OCA2: variants seen among roughly 807,000 people sequenced by gnomAD.
OCA2 encodes the protein OCA2 melanosomal transmembrane protein.
In OCA2, 77 loss-of-function variants were observed where a neutral mutation model predicts 100.2. The ratio of observed to expected loss-of-function variants is 0.77; its 90% CI spans 0.64 to 0.93. OCA2 has a LOEUF of 0.93. Ranked by LOEUF, OCA2 falls within the 40% of genes least tolerant of loss-of-function variation. The pLI is 0.00. For synonymous variants in OCA2, 432 were observed against 439.2 expected, an observed-to-expected ratio of 0.98 and a Z score of 0.21; for missense variants, 1,062 against 1,089.1, an observed-to-expected ratio of 0.98 and a Z score of 0.35.
chr15:27,943,416 C>T (rs890996911), intron 18 of OCA2, among the ~76,000 whole-genome samples: 21 of 152,158 alleles, frequency 1.4e-4, no homozygotes, highest in South Asian at 4.1e-4. Context: ...CCCCAAAATA[C>T]GCTTCTTTGA....
chr15:27,802,987 G>C (rs1292892858), intron 23 of OCA2, among the ~76,000 whole-genome samples: 1 of 152,124 alleles, frequency 6.6e-6, no homozygotes, highest in Non-Finnish European at 1.5e-5. Flanking sequence ...CCACAGACTG[G>C]GAGAATATAT....
At chr15:27,955,240 T>C (rs768815986) in intron 16 of OCA2, 25 bp from the exon 17 acceptor site, 1 of 1,559,756 alleles carries the variant, frequency 6.4e-7, no homozygotes, top group Middle Eastern at 1.7e-4. Context: ...AAGAGACTCA[T>C]TACTTCCCTG....
intron 2 of OCA2, among the ~76,000 whole-genome samples, chr15:28,053,399 T>G (rs1275766537): frequency 6.6e-6 from 1 of 151,924 alleles, no homozygotes; most frequent in Non-Finnish European, 1.5e-5. Context: ...AAGGTGGAGG[T>G]GCTCTTCCTT....
intron 21 of OCA2, among the ~76,000 whole-genome samples, chr15:27,863,526 C>A (rs1470182703): frequency 6.6e-6 from 1 of 152,154 alleles, no homozygotes; most frequent in African/African-American, 2.4e-5. Flanking sequence ...GCATCTGAGA[C>A]CCTGACCTGT....
chr15:27,825,068 C>T (rs1386590031), intron 23 of OCA2, among the ~76,000 whole-genome samples: 1 of 152,212 alleles, frequency 6.6e-6, no homozygotes, highest in Non-Finnish European at 1.5e-5. Flanking sequence ...GTTACATTAT[C>T]ATTACATGAC....
chr15:27,853,690 G>A (rs1043635168), intron 21 of OCA2, among the ~76,000 whole-genome samples: 5 of 151,986 alleles, frequency 3.3e-5, no homozygotes, highest in Non-Finnish European at 5.9e-5. Flanking sequence ...GGGAGGCTCC[G>A]GAGAATGGAG....
At chr15:28,021,863 G>T (rs2042604906) in intron 6 of OCA2, among the ~76,000 whole-genome samples, 1 of 152,148 alleles carries the variant, frequency 6.6e-6, no homozygotes, top group Non-Finnish European at 1.5e-5. Flanking sequence ...GCAAGGTCTG[G>T]CAGACAGCTG....
the OCA2 span, among the ~76,000 whole-genome samples, chr15:27,748,176 C>T: frequency 6.6e-6 from 1 of 152,206 alleles, no homozygotes; most frequent in Non-Finnish European, 1.5e-5. Flanking sequence ...ATAAGTGTTC[C>T]TCTTCCCATC....
chr15:27,769,384 G>A (rs1412157259), intron 23 of OCA2, among the ~76,000 whole-genome samples: 1 of 152,180 alleles, frequency 6.6e-6, no homozygotes, highest in Non-Finnish European at 1.5e-5. Flanking sequence ...CGGATTGCTG[G>A]GAAATGGGGC....
downstream of OCA2, among the ~76,000 whole-genome samples, chr15:27,751,953 T>C (rs1445773343): frequency 6.6e-6 from 1 of 152,320 alleles, no homozygotes; most frequent in East Asian, 1.9e-4. Context: ...AACCATCAAG[T>C]CAGATGTGCA....
intron 22 of OCA2, among the ~76,000 whole-genome samples, chr15:27,850,460 A>G (rs928544348): frequency 1.3e-5 from 2 of 152,126 alleles, no homozygotes; most frequent in Admixed American, 1.3e-4. Context: ...TTGATGTTAA[A>G]TGTAGCTCTG....
chr15:27,895,905 G>A lies in OCA2; in HGVS notation c.2080-23983C>T, dbSNP rs1037876788. On this transcript the variant is annotated intron_variant, in intron 19 of 23. Transcript: ENST00000354638. ...ATTATTTATCAGGTTGCTTATGCCC[G>A]TACAGAAGGGGATATGATAGTACGC... 27 of 602,424 alleles carry A rather than the reference G, an allele frequency of 4.5e-5. 2 individuals are homozygous for A. The highest frequency in any genetic ancestry group is 1.8e-4 in the Admixed American group (8 of 45,548). 37.3% of individuals were successfully genotyped at this position (602,424 alleles called of 1,614,324 possible).
At chr15:27,880,791 A>C (rs2036983487) in intron 19 of OCA2, among the ~76,000 whole-genome samples, 2 of 152,196 alleles carry the variant, frequency 1.3e-5, no homozygotes, top group South Asian at 4.1e-4. Flanking sequence ...ACATAGGATC[A>C]TGTCATCTGC....
At chr15:27,761,907 C>G (rs1051149655) in intron 23 of OCA2, among the ~76,000 whole-genome samples, 1 of 152,194 alleles carries the variant, frequency 6.6e-6, no homozygotes, top group Non-Finnish European at 1.5e-5. Context: ...TCCCTACAGC[C>G]TTGACTTCCC....
chr15:27,754,743 G>C (rs2030206816), downstream of OCA2: 1 of 159,638 alleles, frequency 6.3e-6, no homozygotes. Flanking sequence ...AAATATGTAA[G>C]ATATCCTTAA....
intron 23 of OCA2, among the ~76,000 whole-genome samples, chr15:27,842,208 T>C (rs771391728): frequency 3.9e-5 from 6 of 152,204 alleles, no homozygotes; most frequent in Non-Finnish European, 7.3e-5. Flanking sequence ...GAGTATAAAG[T>C]ATAAAAGGTA....
chr15:27,852,097 G>A (rs1470600514), intron 21 of OCA2, among the ~76,000 whole-genome samples: 1 of 152,202 alleles, frequency 6.6e-6, no homozygotes, highest in East Asian at 1.9e-4. Flanking sequence ...CCATTCTCTA[G>A]TCAGCCGTGC....
At chr15:28,065,465 G>A (rs749131250) in intron 2 of OCA2, among the ~76,000 whole-genome samples, 2 of 152,080 alleles carry the variant, frequency 1.3e-5, no homozygotes, top group Non-Finnish European at 2.9e-5. Context: ...CTTATGTTCT[G>A]AGTTAGGCAA....
At chr15:27,726,707 C>T in the OCA2 span, among the ~76,000 whole-genome samples, 1 of 152,204 alleles carries the variant, frequency 6.6e-6, no homozygotes, top group Non-Finnish European at 1.5e-5. Context: ...GCATATGTAA[C>T]AAACCTGCAC....
Sources: gnomAD v4.1 joint callset for allele counts (sites outside exome capture counted in the v4.1 genomes callset) on GRCh38, gnomAD v4.1.1 for gene constraint, MANE v1.5 for transcripts, NCBI Gene and HGNC (gene_info 2026-07-23, HGNC 2026-07-21) for gene names.